The following PMS1 variants were observed in gnomAD, a reference collection of about 807,000 sequenced individuals.
The protein encoded by PMS1 is PMS1 protein homolog 1.
PMS1 carries 79 observed loss-of-function variants against 93.1 expected under a neutral mutation model. That is an observed-to-expected ratio of 0.85 (90% CI 0.71 to 1.02). The LOEUF is 1.02. Among genes scored for constraint, PMS1 ranks in the 50% least tolerant of loss-of-function variants. The pLI, the probability that PMS1 is intolerant of heterozygous loss-of-function variation, is 0.00. For missense variants in PMS1, 1,064 were observed against 1,085.3 expected, an observed-to-expected ratio of 0.98 and a Z score of 0.28; for synonymous variants, 335 against 363.4, an observed-to-expected ratio of 0.92 and a Z score of 0.89.
chr2:189,862,169 C>G (rs1207556460), intron 9 of PMS1, among the ~76,000 whole-genome samples: 1 of 152,016 alleles, frequency 6.6e-6, no homozygotes, highest in Non-Finnish European at 1.5e-5. Flanking sequence ...TTCCAGTTGT[C>G]TTCACTTTTC....
At chr2:189,821,483 G>C (rs1267123228) in intron 5 of PMS1, among the ~76,000 whole-genome samples, 1 of 147,572 alleles carries the variant, frequency 6.8e-6, no homozygotes, top group Non-Finnish European at 1.5e-5. Flanking sequence ...AAAGAAAAGT[G>C]AGTGGAAGAG....
chr2:189,823,939 T>G (rs2052196453), intron 5 of PMS1, among the ~76,000 whole-genome samples: 1 of 152,220 alleles, frequency 6.6e-6, no homozygotes, highest in Non-Finnish European at 1.5e-5. Context: ...GCAAATAACC[T>G]GGTCAGCCTT....
chr2:189,852,616 T>C, intron 6 of PMS1, 39 bp from the exon 7 acceptor site: 1 of 1,585,038 alleles, frequency 6.3e-7, no homozygotes, highest in Non-Finnish European at 8.7e-7. Flanking sequence ...CCCGTGGAAC[T>C]ACATTGTTGA....
At chr2:189,855,610 A>G (rs1268564097) in intron 9 of PMS1, among the ~76,000 whole-genome samples, 1 of 151,964 alleles carries the variant, frequency 6.6e-6, no homozygotes, top group Admixed American at 6.6e-5. Context: ...TGGCGATTCA[A>G]TTTAGTGTTG....
chr2:189,801,607 GTTTAT>G (rs779449007), intron 3 of PMS1, among the ~76,000 whole-genome samples: 3 of 152,164 alleles, frequency 2.0e-5, no homozygotes, highest in Admixed American at 6.5e-5. Context: ...ATACAGAACA[GTTTAT>G]TTTATTTTAT....
intron 5 of PMS1, among the ~76,000 whole-genome samples, chr2:189,820,592 G>A (rs1452983660): frequency 6.6e-6 from 1 of 152,092 alleles, no homozygotes; most frequent in Non-Finnish European, 1.5e-5. Flanking sequence ...GGGATTACAG[G>A]TGTGTGAGCT....
chr2:189,809,548 C>T (rs1331487233), intron 4 of PMS1, among the ~76,000 whole-genome samples: 1 of 128,596 alleles, frequency 7.8e-6, no homozygotes, highest in Admixed American at 9.9e-5. Context: ...ACATATAATT[C>T]TTATTAATCT....
At chr2:189,864,357 T>G (rs564877681) in intron 10 of PMS1, 129 bp downstream of exon 10, 2 of 792,420 alleles carry the variant, frequency 2.5e-6, no homozygotes, top group African/African-American at 3.4e-5. Context: ...ATTTTAATCT[T>G]TTAAACATTT....
chr2:189,797,978 A>G (rs193110690), intron 3 of PMS1, among the ~76,000 whole-genome samples: 1 of 152,360 alleles, frequency 6.6e-6, no homozygotes, highest in Admixed American at 6.5e-5. Flanking sequence ...AAATGCATTT[A>G]ATATGCTTAA....
chr2:189,854,017 G>A lies in PMS1; in HGVS notation c.901G>A (p.Val301Ile), dbSNP rs1201581438. ...TCCTGTTTTCTTTCTGAAAATCGAT[G>A]TTCCTACAGCTGATGTTGATGTAAA... is the stretch of plus-strand genomic sequence containing the variant. ...LYPVFFLKID[V>I]PTADVDVNLT... The change falls in exon 8 of 13, where the codon GTT becomes ATT. Residue 301 changes from valine to isoleucine, a missense_variant. Physicochemically the swap from Val to Ile is conservative, Grantham distance 29. Coordinates refer to ENST00000441310, the MANE Select transcript of PMS1 (RefSeq NM_000534.5). The A allele has an allele frequency of 6.2e-7, 1 of 1,608,730 alleles. No individual in the cohort carries two copies. The highest frequency in any genetic ancestry group is 1.7e-5 in the Admixed American group (1 of 59,916).
Position 189,876,770 on chromosome 2 carries a change from CTT to C in PMS1, c.2635-481_2635-480del, listed in dbSNP as rs150660131. Reference sequence around the variant, plus strand: ...CTACAGGCATGCCCCACCGTGCCCACTTTTTTTTTTTTTTTTTTTTTTGTGGA... The same window carrying C: ...CTACAGGCATGCCCCACCGTGCCCACTTTTTTTTTTTTTTTTTTTTGTGGA... On this transcript the variant is annotated intron_variant, in intron 12 of 12. Transcript: ENST00000441310. Among the ~76,000 whole-genome samples the C allele has an allele frequency of 3.6e-3, 425 of 117,872 alleles. 1 individual carries two copies. The highest frequency in any genetic ancestry group is 0.014 in the African/African-American group (398 of 27,534). 77.3% of individuals were successfully genotyped at this position (117,872 alleles called of 152,430 possible).
At chr2:189,857,507 A>G (rs1231363067) in intron 9 of PMS1, 2 of 467,998 alleles carry the variant, frequency 4.3e-6, no homozygotes, top group South Asian at 3.1e-5. Flanking sequence ...TCTCTAAGGT[A>G]TATTAAGAGA....
intron 9 of PMS1, among the ~76,000 whole-genome samples, chr2:189,860,799 AATTTTT>A: frequency 1.2e-5 from 1 of 82,072 alleles, no homozygotes; most frequent in Non-Finnish European, 2.2e-5. Flanking sequence ...ATCTTTGAGG[AATTTTT>A]TTTTTTTTTT....
At chr2:189,872,847 G>A (rs927391169) in intron 11 of PMS1, among the ~76,000 whole-genome samples, 2 of 152,050 alleles carry the variant, frequency 1.3e-5, no homozygotes, top group African/African-American at 2.4e-5. Flanking sequence ...TGTTGGACAG[G>A]CTGGTCTCAA....
intron 1 of PMS1, among the ~76,000 whole-genome samples, chr2:189,788,509 A>G (rs1048366803): frequency 6.6e-6 from 1 of 152,192 alleles, no homozygotes; most frequent in Non-Finnish European, 1.5e-5. Context: ...TGTTAGTGTA[A>G]GAGCTAGGAT....
chr2:189,837,808 G>T (rs899944046), intron 5 of PMS1, among the ~76,000 whole-genome samples: 2 of 152,148 alleles, frequency 1.3e-5, no homozygotes, highest in African/African-American at 2.4e-5. Context: ...CTCATAAAAG[G>T]ATAATTCAAA....
intron 12 of PMS1, 95 bp from the exon 13 acceptor site, chr2:189,877,177 A>G (rs745885026): frequency 2.5e-4 from 249 of 1,012,642 alleles, no homozygotes; most frequent in Non-Finnish European, 2.4e-4. Context: ...CATAAAATGA[A>G]AATAATCAAG....
chr2:189,847,873 CTCTTTGTAGTATTG>C (rs2054383685), intron 6 of PMS1, among the ~76,000 whole-genome samples: 1 of 152,044 alleles, frequency 6.6e-6, no homozygotes, highest in Non-Finnish European at 1.5e-5. Context: ...CCTTCCCATT[CTCTTTGTAGTATTG>C]AGTTCTTAAT....
chr2:189,852,783 A>G lies in PMS1; in HGVS notation c.822+6A>G, dbSNP rs753838588. ...ATCAAAAAGATATCTTAAAGGTAGT[A>G]TGCTTTAGAAAAAAAAAATTATTTG... On this transcript the variant is annotated splice_donor_region_variant and intron_variant, in intron 7 of 12. Coordinates refer to ENST00000441310, the MANE Select transcript of PMS1 (RefSeq NM_000534.5). The G allele has an allele frequency of 7.7e-6, 12 of 1,565,234 alleles. No homozygotes were observed. Among genetic ancestry groups the G allele is most frequent in the South Asian group, 1.1e-5 (1 of 89,678 alleles).
Sources: allele counts gnomAD v4.1 joint callset (sites outside exome capture counted in the v4.1 genomes callset), GRCh38; gene constraint gnomAD v4.1.1; transcripts MANE v1.5; gene names NCBI Gene and HGNC (gene_info 2026-07-23, HGNC 2026-07-21).